Variants in INPP4B observed in about 807,000 individuals in gnomAD.
The protein encoded by INPP4B is inositol polyphosphate 4-phosphatase type II.
A neutral mutation model predicts 122.5 loss-of-function variants in INPP4B; 55 were observed. The ratio of observed to expected loss-of-function variants is 0.45; its 90% CI spans 0.36 to 0.56. The LOEUF is 0.56. Ranked by LOEUF, INPP4B falls within the 20% of genes least tolerant of loss-of-function variation. The pLI is 0.00. For missense variants in INPP4B, 1,000 were observed against 1,097.7 expected, an observed-to-expected ratio of 0.91 and a Z score of 1.26; for synonymous variants, 403 against 388.7, an observed-to-expected ratio of 1.04 and a Z score of -0.43.
intron 9 of INPP4B, among the ~76,000 whole-genome samples, chr4:142,294,177 A>G (rs896608907): frequency 1.3e-5 from 2 of 152,208 alleles, no homozygotes; most frequent in African/African-American, 4.8e-5. Context: ...TACCTTTGTA[A>G]CCCCTAAATG....
chr4:142,229,682 C>A lies in INPP4B; in HGVS notation c.836+8182G>T, dbSNP rs186260386. Among the ~76,000 whole-genome samples the A allele has an allele frequency of 2.6e-5, 4 of 152,276 alleles. No homozygotes were observed. The South Asian group carries it at 8.3e-4, about 32-fold the overall frequency. On this transcript the variant is annotated intron_variant, in intron 12 of 25. Coordinates refer to ENST00000262992, the MANE Select transcript of INPP4B (RefSeq NM_001101669.3). ...TACAAATAGAGATGCCAGAATATCA[C>A]TCAAAAGCCAGATGAAGCTAATGCA...
chr4:142,804,129 T>C (rs1580955781), intron 1 of INPP4B, among the ~76,000 whole-genome samples: 1 of 152,078 alleles, frequency 6.6e-6, no homozygotes, highest in Non-Finnish European at 1.5e-5. Flanking sequence ...CCATTATTAC[T>C]TCAAAAAGAA....
intron 1 of INPP4B, among the ~76,000 whole-genome samples, chr4:142,740,504 G>A (rs898666428): frequency 1.3e-5 from 2 of 152,034 alleles, no homozygotes; most frequent in African/African-American, 4.8e-5. Context: ...TGAAGTCGGA[G>A]TTGAAACAAT....
rs146395615 is a variant in INPP4B at position 142,124,248 on chromosome 4, G to T, written c.1893+340C>A. ...TTTGCCAAGTCCTAGCTTGTCACCT[G>T]GAGTGCAAGTCAACAGTCCCTTCCC... On this transcript the variant is annotated intron_variant, in intron 19 of 25. Coordinates refer to ENST00000262992, the MANE Select transcript of INPP4B (RefSeq NM_001101669.3). Among the ~76,000 whole-genome samples the T allele has an allele frequency of 1.1e-3, 162 of 152,236 alleles. 1 individual carries two copies. The highest frequency in any genetic ancestry group is 3.7e-3 in the African/African-American group (155 of 41,552).
At chr4:142,573,086 C>A (rs1580400214) in intron 2 of INPP4B, among the ~76,000 whole-genome samples, 2 of 151,886 alleles carry the variant, frequency 1.3e-5, no homozygotes, top group South Asian at 4.2e-4. Flanking sequence ...ATAATCATGG[C>A]AGAGGGGTGA....
chr4:142,123,166 A>G (rs926009925), intron 20 of INPP4B, 126 bp downstream of exon 20: 5 of 754,292 alleles, frequency 6.6e-6, no homozygotes, highest in Admixed American at 3.0e-5. Context: ...ACTGAAAGTT[A>G]TATTATTTTT....
intron 7 of INPP4B, among the ~76,000 whole-genome samples, chr4:142,333,460 A>G (rs925752017): frequency 3.3e-5 from 5 of 152,166 alleles, no homozygotes; most frequent in Non-Finnish European, 7.4e-5. Flanking sequence ...TATCTCTCAT[A>G]TTCTGTTTTG....
intron 2 of INPP4B, among the ~76,000 whole-genome samples, chr4:142,626,132 T>C (rs1746330485): frequency 1.3e-5 from 2 of 152,038 alleles, no homozygotes; most frequent in African/African-American, 4.8e-5. Flanking sequence ...AATTGACAAA[T>C]GGGATCTCAT....
intron 1 of INPP4B, among the ~76,000 whole-genome samples, chr4:142,778,246 C>G (rs1006945048): frequency 6.6e-6 from 1 of 152,082 alleles, no homozygotes; most frequent in African/African-American, 2.4e-5. Context: ...TTTTTGTCTT[C>G]CTTTCAGTCT....
chr4:142,254,418 G>A (rs1734474197), intron 11 of INPP4B, among the ~76,000 whole-genome samples: 1 of 145,964 alleles, frequency 6.9e-6, no homozygotes, highest in Non-Finnish European at 1.5e-5. Context: ...GCTACGGGAG[G>A]ACATTCAAAC....
At chr4:142,673,790 T>C (rs1212874546) in intron 2 of INPP4B, among the ~76,000 whole-genome samples, 6 of 152,112 alleles carry the variant, frequency 3.9e-5, no homozygotes, top group Admixed American at 3.3e-4. Context: ...TTTTCCTCTT[T>C]TATGTTTCCC....
chr4:142,747,264 G>GA (rs1351333150), intron 1 of INPP4B, among the ~76,000 whole-genome samples: 1 of 151,962 alleles, frequency 6.6e-6, no homozygotes, highest in Non-Finnish European at 1.5e-5. Flanking sequence ...CAACAAACAT[G>GA]AAAAAAAGCT....
chr4:142,366,944 T>C (rs377158341), intron 7 of INPP4B, among the ~76,000 whole-genome samples: 34 of 152,130 alleles, frequency 2.2e-4, no homozygotes, highest in African/African-American at 8.0e-4. Flanking sequence ...CATAGGAAGG[T>C]CAAAGGATGC....
At chr4:142,089,190 C>T (rs1159553223) in intron 23 of INPP4B, among the ~76,000 whole-genome samples, 3 of 152,024 alleles carry the variant, frequency 2.0e-5, no homozygotes, top group South Asian at 2.1e-4. Flanking sequence ...CTAGAAAATG[C>T]GGGCAACTGA....
intron 7 of INPP4B, among the ~76,000 whole-genome samples, chr4:142,343,174 T>A (rs923367539): frequency 6.6e-6 from 1 of 152,092 alleles, no homozygotes; most frequent in Non-Finnish European, 1.5e-5. Flanking sequence ...AACTCAAACA[T>A]GCTAATTAGA....
intron 2 of INPP4B, among the ~76,000 whole-genome samples, chr4:142,512,409 G>C (rs1316380029): frequency 6.6e-6 from 1 of 152,042 alleles, no homozygotes; most frequent in Non-Finnish European, 1.5e-5. Flanking sequence ...TAAAACATTA[G>C]TAATACATCA....
At chr4:142,176,392 C>A (rs994912095) in intron 15 of INPP4B, among the ~76,000 whole-genome samples, 6 of 151,944 alleles carry the variant, frequency 3.9e-5, no homozygotes, top group African/African-American at 1.4e-4. Flanking sequence ...AATGTGTCTT[C>A]TCTGGCCTCT....
chr4:142,080,479 T>C (rs1374605481), intron 25 of INPP4B, among the ~76,000 whole-genome samples: 1 of 152,106 alleles, frequency 6.6e-6, no homozygotes, highest in Non-Finnish European at 1.5e-5. Flanking sequence ...GTTAAGCCTT[T>C]AGTGTTTTAG....
At chr4:142,565,755 A>C (rs985127039) in intron 2 of INPP4B, among the ~76,000 whole-genome samples, 1 of 152,186 alleles carries the variant, frequency 6.6e-6, no homozygotes, top group East Asian at 1.9e-4. Flanking sequence ...AATCTGGCAA[A>C]CACCACCCTC....
Sources: allele counts gnomAD v4.1 joint callset (sites outside exome capture counted in the v4.1 genomes callset), GRCh38; gene constraint gnomAD v4.1.1; transcripts MANE v1.5; gene names NCBI Gene and HGNC (gene_info 2026-07-23, HGNC 2026-07-21).